The following CARM1 variants were observed in gnomAD, a reference collection of about 807,000 sequenced individuals.
CARM1 encodes the protein histone-arginine methyltransferase CARM1.
A neutral mutation model predicts 72.7 loss-of-function variants in CARM1; 14 were observed. The observed-to-expected ratio is 0.19, with a 90% confidence interval of 0.13 to 0.30. The LOEUF (loss-of-function observed/expected upper bound fraction) is 0.30. CARM1 is among the 10% of genes least tolerant of loss of function. CARM1 has a pLI of 1.00. For missense variants in CARM1, 432 were observed against 833.7 expected (o/e 0.52, Z 5.93); for synonymous variants, 333 against 345.5 (o/e 0.96, Z 0.40).
chr19:10,902,880 A>G (rs1428808663), intron 1 of CARM1, among the ~76,000 whole-genome samples: 1 of 152,216 alleles, frequency 6.6e-6, no homozygotes, highest in Non-Finnish European at 1.5e-5. Flanking sequence ...CTGGGATTAC[A>G]GGTGTCAGCC....
chr19:10,911,804 T>C (rs1343212081), intron 4 of CARM1, among the ~76,000 whole-genome samples: 2 of 152,114 alleles, frequency 1.3e-5, no homozygotes, highest in Non-Finnish European at 2.9e-5. Context: ...CAGGCATGAG[T>C]CAGCATGGAG....
intron 1 of CARM1, among the ~76,000 whole-genome samples, chr19:10,895,264 C>G (rs1431198953): frequency 6.6e-6 from 1 of 152,204 alleles, no homozygotes; most frequent in Non-Finnish European, 1.5e-5. Flanking sequence ...ACCACCACTC[C>G]TGGCTGATTT....
chr19:10,909,516 A>T (rs2074130275), intron 4 of CARM1, among the ~76,000 whole-genome samples: 1 of 152,104 alleles, frequency 6.6e-6, no homozygotes, highest in African/African-American at 2.4e-5. Flanking sequence ...CGGGCGGGTC[A>T]CAAGGTCAGG....
At chr19:10,900,832 C>T (rs925651204) in intron 1 of CARM1, among the ~76,000 whole-genome samples, 2 of 151,988 alleles carry the variant, frequency 1.3e-5, no homozygotes, top group Non-Finnish European at 2.9e-5. Context: ...TACAGGCACC[C>T]GTCACCACAC....
At position 10,922,087 on chromosome 19, in the gene CARM1, G is replaced by T. The variant is rs2074262471; in HGVS notation, c.*330G>T. On this transcript the variant is annotated 3_prime_UTR_variant, in exon 16 of 16. Transcript: ENST00000327064. ...GGGGCCTGCCAGCCCTGCCTGCCAG[G>T]TCCCTTAGCACCTGTCCCCCTGCCT... The T allele has an allele frequency of 4.6e-6, 1 of 218,096 alleles. No homozygotes were observed. Among genetic ancestry groups the T allele is most frequent in the Non-Finnish European group, 9.0e-6 (1 of 111,142 alleles). The allele number at this position is 218,096 out of a possible 1,614,324, so 13.5% of individuals were successfully genotyped here. A position where few individuals can be genotyped will look rare whatever the true frequency, so the allele number is the denominator to read the frequency against.
chr19:10,893,756 G>A (rs1283986739), intron 1 of CARM1, among the ~76,000 whole-genome samples: 6 of 152,248 alleles, frequency 3.9e-5, no homozygotes, highest in Non-Finnish European at 8.8e-5. Flanking sequence ...TGAAGTTCCA[G>A]GATGGTGCCC....
At chr19:10,899,118 C>CT (rs1363401042) in intron 1 of CARM1, among the ~76,000 whole-genome samples, 2 of 146,114 alleles carry the variant, frequency 1.4e-5, no homozygotes, top group Non-Finnish European at 3.0e-5. Flanking sequence ...AAAGCTGTGA[C>CT]TTTGAGAAGC....
chr19:10,871,589 AGCGGCGGCG>A lies in CARM1; in HGVS notation c.-72_-64del, dbSNP rs1184781686. ...CGGCGGCTGCGGCGGCGGTAGCGGC[AGCGGCGGCG>A]GCGGCGGCGGCGGCGGCGGCGGCGG... On this transcript the variant is annotated 5_prime_UTR_variant, in exon 1 of 16. Coordinates refer to ENST00000327064, the MANE Select transcript of CARM1 (RefSeq NM_199141.2). The surrounding 1 kb of genome is among the most constrained non-coding windows in gnomAD (Gnocchi z 5.6). 0.23 allele frequency: 26,501 copies of A among 116,904 alleles called. 3,200 individuals carry two copies. Among genetic ancestry groups the A allele is most frequent in the East Asian group, 0.36 (1,440 of 3,966 alleles). The allele number at this position is 116,904 out of a possible 1,614,324, so 7.2% of individuals were successfully genotyped here. A position where few individuals can be genotyped will look rare whatever the true frequency, so the allele number is the denominator to read the frequency against.
chr19:10,894,525 C>T (rs960687736), intron 1 of CARM1, among the ~76,000 whole-genome samples: 23 of 152,242 alleles, frequency 1.5e-4, no homozygotes, highest in Non-Finnish European at 2.5e-4. Context: ...TAATACAAGA[C>T]GTACCATTTG....
chr19:10,921,277 T>C (rs774753035), intron 14 of CARM1, 98 bp from the exon 15 acceptor site: 302 of 1,496,484 alleles, frequency 2.0e-4, no homozygotes, highest in Non-Finnish European at 2.7e-4. Context: ...CTCTCCGTCC[T>C]CTCTGCCTCG....
chr19:10,901,817 T>C (rs1406583861), intron 1 of CARM1, among the ~76,000 whole-genome samples: 1 of 152,152 alleles, frequency 6.6e-6, no homozygotes, highest in Non-Finnish European at 1.5e-5. Context: ...GATGCATGTC[T>C]GTAATCCCAG....
At chr19:10,919,307 A>G (rs1275641255) in intron 8 of CARM1, 8 of 370,192 alleles carry the variant, frequency 2.2e-5, no homozygotes, top group South Asian at 5.4e-5. Flanking sequence ...ACCACGGACA[A>G]TCTAATTATA....
Position 10,921,792 on chromosome 19 carries a change from C to A in CARM1, c.*35C>A. The A allele has an allele frequency of 6.4e-7, 1 of 1,552,304 alleles. No homozygotes were observed. Among genetic ancestry groups the A allele is most frequent in the African/African-American group, 1.4e-5 (1 of 73,120 alleles). ...CCGCGGACTGACAGCACCAGGAAAC[C>A]AAATGATGTCCCTGCCCGCCGCCCC... On this transcript the variant is annotated 3_prime_UTR_variant, in exon 16 of 16. Transcript: ENST00000327064.
In CARM1 at chr19:10,913,897, C is replaced by T. The variant is rs755459561; in HGVS notation, c.690C>T (p.Asn230=). Residue 230 remains asparagine (N), a synonymous_variant, in exon 6 of 16, where the codon AAC becomes AAT. Coordinates refer to ENST00000327064, the MANE Select transcript of CARM1 (RefSeq NM_199141.2). ...TGCAGGTCTTGGTGAAGAGTAACAA[C>T]CTGACGGACCGCATCGTGGTCATCC... The part of the protein sequence containing the change: ...QHAEVLVKSN[N]LTDRIVVIPG... 5.6e-5 allele frequency: 90 copies of T among 1,613,192 alleles called. 1 individual carries two copies. The highest frequency in any genetic ancestry group is 8.8e-5 in the South Asian group (8 of 91,062).
At chr19:10,878,807 C>CTTT (rs959582502) in intron 1 of CARM1, among the ~76,000 whole-genome samples, 1 of 140,234 alleles carries the variant, frequency 7.1e-6, no homozygotes, top group African/African-American at 2.6e-5. Flanking sequence ...CTCCCCCCGG[C>CTTT]TTTTTTTTTT....
rs546971146 is a variant in CARM1 at position 10,921,916 on chromosome 19, G to A, written c.*159G>A. 4.1e-5 allele frequency: 28 copies of A among 686,472 alleles called. 1 individual carries two copies. Among genetic ancestry groups the A allele is most frequent in the African/African-American group, 2.6e-4 (14 of 54,460 alleles). The allele number at this position is 686,472 out of a possible 1,614,324, so 42.5% of individuals were successfully genotyped here. ...GGACACTTTTTTACACGATGTTGCC[G>A]CCGTCCCCACCCTAACCCCCACCTC... is the stretch of plus-strand genomic sequence containing the variant. On this transcript the variant is annotated 3_prime_UTR_variant, in exon 16 of 16. Coordinates refer to ENST00000327064, the MANE Select transcript of CARM1 (RefSeq NM_199141.2).
At position 10,916,359 on chromosome 19, in the gene CARM1, G is replaced by A. The variant is rs564654539; in HGVS notation, c.848-48G>A. 5 of 1,302,900 alleles carry A rather than the reference G, an allele frequency of 3.8e-6. No homozygotes were observed. The East Asian group carries it at 9.2e-5, about 24-fold the overall frequency. The allele number at this position is 1,302,900 out of a possible 1,614,324, so 80.7% of individuals were successfully genotyped here. A position where few individuals can be genotyped will look rare whatever the true frequency, so the allele number is the denominator to read the frequency against. On this transcript the variant is annotated intron_variant, in intron 6 of 15. Transcript: ENST00000327064. The surrounding 1 kb of genome is among the most constrained non-coding windows in gnomAD (Gnocchi z 4.4). ...TCCTTTGGAAGCTCTGCCAGGCAGT[G>A]TGGGATGTGTCACCTGACGCCAGCA... is the stretch of plus-strand genomic sequence containing the variant.
intron 1 of CARM1, among the ~76,000 whole-genome samples, chr19:10,874,548 C>T (rs1302327672): frequency 6.6e-6 from 1 of 151,784 alleles, no homozygotes; most frequent in African/African-American, 2.4e-5. Context: ...ATGTGCCACA[C>T]CCAGCTAATC....
chr19:10,872,611 C>A (rs2073828377), intron 1 of CARM1, among the ~76,000 whole-genome samples: 1 of 152,142 alleles, frequency 6.6e-6, no homozygotes, highest in South Asian at 2.1e-4. Flanking sequence ...TAACAGCCTC[C>A]TCCCATCTTC....
Sources: gnomAD v4.1 joint callset for allele counts (sites outside exome capture counted in the v4.1 genomes callset) on GRCh38, gnomAD v4.1.1 for gene constraint, Gnocchi (gnomAD v3.1) non-coding constraint, MANE v1.5 for transcripts, NCBI Gene and HGNC (gene_info 2026-07-23, HGNC 2026-07-21) for gene names.